RRBP1: variants seen among roughly 807,000 people sequenced by gnomAD.
The protein encoded by RRBP1 is ribosome-binding protein 1.
In RRBP1, 94 loss-of-function variants were observed where a neutral mutation model predicts 165.2. The observed-to-expected ratio is 0.57, with a 90% confidence interval of 0.48 to 0.68. The LOEUF (loss-of-function observed/expected upper bound fraction) is 0.68. Ranked by LOEUF, RRBP1 falls within the 30% of genes least tolerant of loss-of-function variation. The pLI is 0.00. For synonymous variants in RRBP1, 680 were observed against 714.5 expected (o/e 0.95, Z 0.77); for missense variants, 1,676 against 1,763.0 (o/e 0.95, Z 0.88).
intron 2 of RRBP1, among the ~76,000 whole-genome samples, chr20:17,673,084 G>A (rs928944025): frequency 7.2e-5 from 11 of 152,184 alleles, no homozygotes; most frequent in Admixed American, 6.5e-4. Flanking sequence ...TACTTATTGC[G>A]TAGACTCGTG....
At chr20:17,675,205 T>A (rs1050481320) in intron 2 of RRBP1, among the ~76,000 whole-genome samples, 2 of 152,252 alleles carry the variant, frequency 1.3e-5, no homozygotes, top group Non-Finnish European at 2.9e-5. Flanking sequence ...ACTGTCAATT[T>A]CTCAACTGGA....
In RRBP1 at chr20:17,660,053, G is replaced by A. The variant is rs1460275933; in HGVS notation, c.455C>T (p.Ala152Val). 2 of 1,613,830 alleles carry A rather than the reference G, an allele frequency of 1.2e-6. No individual in the cohort carries two copies. The highest frequency in any genetic ancestry group is 4.5e-5 in the East Asian group (2 of 44,878). Residue 152 changes from alanine to valine, a missense_variant, in exon 3 of 25, where the codon GCT (alanine) becomes GTT (valine). Around this residue, in one of 5 missense-constraint regions of RRBP1, gnomAD observed 392 missense variants for 382.5 expected, o/e 1.02. Coordinates refer to ENST00000377813, the MANE Select transcript of RRBP1 (RefSeq NM_001365613.2). The stretch of plus-strand genomic sequence containing the variant: ...GATGGAATTCACTACAGAGCTGACA[G>A]CTGGTTCCACTTTTGCCACTTTTTT... ...KEKKVAKVEP[A>V]VSSVVNSIQV...
intron 13 of RRBP1, chr20:17,623,402 G>A (rs888750874): frequency 6.6e-6 from 1 of 152,288 alleles, no homozygotes; most frequent in African/African-American, 2.4e-5. Context: ...AGGAAAACGT[G>A]TGTGACCTCA....
chr20:17,679,166 C>G (rs4814635), intron 2 of RRBP1, among the ~76,000 whole-genome samples: 1 of 152,210 alleles, frequency 6.6e-6, no homozygotes, highest in Non-Finnish European at 1.5e-5. Flanking sequence ...ATTCCCACCC[C>G]CTAGAACAGG....
At chr20:17,654,373 C>G (rs2036611118) in intron 3 of RRBP1, among the ~76,000 whole-genome samples, 1 of 152,114 alleles carries the variant, frequency 6.6e-6, no homozygotes, top group Non-Finnish European at 1.5e-5. Context: ...CCTGGGACCA[C>G]GCAACTCCAG....
At chr20:17,628,326 ACTC>A (rs1039221928) in intron 9 of RRBP1, among the ~76,000 whole-genome samples, 1 of 151,434 alleles carries the variant, frequency 6.6e-6, no homozygotes, top group Non-Finnish European at 1.5e-5. Flanking sequence ...ACCTCCCAGG[ACTC>A]CTCATCTTCC....
chr20:17,624,451 G>T, intron 13 of RRBP1, 125 bp downstream of exon 13: 1 of 685,554 alleles, frequency 1.5e-6, no homozygotes, highest in Non-Finnish European at 2.6e-6. Context: ...GCCTCTGTAT[G>T]TCTGTCCTAG....
At chr20:17,621,830 C>T in intron 14 of RRBP1, 25 bp downstream of exon 14, 3 of 1,612,698 alleles carry the variant, frequency 1.9e-6, no homozygotes, top group Non-Finnish European at 2.5e-6. Context: ...CTGTGAGGTC[C>T]CCGGGAACCA....
intron 2 of RRBP1, among the ~76,000 whole-genome samples, chr20:17,670,438 C>T (rs1332377765): frequency 1.4e-5 from 1 of 69,056 alleles, no homozygotes; most frequent in African/African-American, 3.3e-5. Flanking sequence ...TAGCAATTAC[C>T]TTTAAAAAAA....
chr20:17,643,249 G>C lies in RRBP1; in HGVS notation c.1913-122C>G, dbSNP rs1391493627. 9.9e-7 allele frequency: 1 copy of C among 1,008,304 alleles called. No individual in the cohort carries two copies. The highest frequency in any genetic ancestry group is 1.4e-6 in the Non-Finnish European group (1 of 695,124). The allele number at this position is 1,008,304 out of a possible 1,614,324, so 62.5% of individuals were successfully genotyped here. A position where few individuals can be genotyped will look rare whatever the true frequency, so the allele number is the denominator to read the frequency against. ...CACGAAGAGCTCTCTGACTGCTTGG[G>C]GTCAGCAGGCTGAGCATGGCGAGTC... On this transcript the variant is annotated intron_variant, in intron 3 of 24. Coordinates refer to ENST00000377813, the MANE Select transcript of RRBP1 (RefSeq NM_001365613.2). This position sits in a 1 kb window ranked among gnomAD's most constrained non-coding sequence, Gnocchi z 4.3.
chr20:17,615,407 AC>A, intron 23 of RRBP1, 23 bp downstream of exon 23: 4 of 1,575,302 alleles, frequency 2.5e-6, no homozygotes, highest in Admixed American at 1.8e-5. Flanking sequence ...TCCAGGTGTG[AC>A]CCCCGCCCCA....
intron 5 of RRBP1, among the ~76,000 whole-genome samples, chr20:17,640,988 G>A (rs912302934): frequency 1.3e-5 from 2 of 152,226 alleles, no homozygotes; most frequent in African/African-American, 4.8e-5. Context: ...CAGGGAGAGG[G>A]CAAGAGCAAG....
chr20:17,663,014 T>TA (rs538428405), intron 2 of RRBP1, among the ~76,000 whole-genome samples: 15 of 151,088 alleles, frequency 9.9e-5, no homozygotes, highest in Admixed American at 3.3e-4. Flanking sequence ...CATCTCTATT[T>TA]AAAAAAAAAT....
chr20:17,678,238 T>C (rs1186088929), intron 2 of RRBP1, among the ~76,000 whole-genome samples: 1 of 152,228 alleles, frequency 6.6e-6, no homozygotes, highest in African/African-American at 2.4e-5. Context: ...GAGTGCCTCC[T>C]TGCCTAGGCA....
chr20:17,658,576 T>A lies in RRBP1; in HGVS notation c.1912+20A>T. ...AAGACAGCCTTTCCTTCTAAGTTCA[T>A]AAAGAAATCAGTTACTTACCAGGCT... On this transcript the variant is annotated intron_variant, in intron 3 of 24. Transcript: ENST00000377813. The A allele has an allele frequency of 6.4e-7, 1 of 1,562,224 alleles. No homozygotes were observed.
chr20:17,615,574 C>T (rs12479820), intron 22 of RRBP1, 45 bp from the exon 23 acceptor site: 246,208 of 1,511,890 alleles, frequency 0.16, 24,598 homozygotes, highest in East Asian at 0.51. Context: ...GTCTTATAAA[C>T]GGCTGTGCTG....
intron 24 of RRBP1, 81 bp downstream of exon 24, chr20:17,614,656 G>A: frequency 2.6e-6 from 4 of 1,564,374 alleles, no homozygotes; most frequent in Non-Finnish European, 3.5e-6. Flanking sequence ...ACTCCGCCCA[G>A]CTCTGCCTCT....
At chr20:17,661,699 A>G (rs2036769560) in intron 2 of RRBP1, among the ~76,000 whole-genome samples, 1 of 152,122 alleles carries the variant, frequency 6.6e-6, no homozygotes, top group East Asian at 1.9e-4. Context: ...AGGTAAAAGG[A>G]GGTGGAAGAG....
intron 2 of RRBP1, among the ~76,000 whole-genome samples, chr20:17,666,927 T>C (rs1292774431): frequency 6.6e-6 from 1 of 152,262 alleles, no homozygotes; most frequent in African/African-American, 2.4e-5. Context: ...ATGCACAGTC[T>C]AATAATGCCA....
Sources: allele counts gnomAD v4.1 joint callset (sites outside exome capture counted in the v4.1 genomes callset), GRCh38; gene constraint gnomAD v4.1.1; regional missense constraint gnomAD v4.1.1; non-coding constraint Gnocchi (gnomAD v3.1); transcripts MANE v1.5; gene names NCBI Gene and HGNC (gene_info 2026-07-23, HGNC 2026-07-21).